Variants in PTPN13 observed in about 807,000 individuals in gnomAD.
PTPN13 encodes tyrosine-protein phosphatase non-receptor type 13.
In PTPN13, 191 loss-of-function variants were observed where a neutral mutation model predicts 284.0. That is an observed-to-expected ratio of 0.67 (90% CI 0.60 to 0.76). The LOEUF (loss-of-function observed/expected upper bound fraction) is 0.76, where lower values mean the gene tolerates loss of function less well. Among genes scored for constraint, PTPN13 ranks in the 30% least tolerant of loss-of-function variants. The pLI is 0.00. For missense variants in PTPN13, 2,797 were observed against 2,939.9 expected, an observed-to-expected ratio of 0.95 and a Z score of 1.12; for synonymous variants, 986 against 1,022.3, an observed-to-expected ratio of 0.96 and a Z score of 0.68.
intron 2 of PTPN13, among the ~76,000 whole-genome samples, chr4:86,654,437 A>T (rs527283534): frequency 1.3e-5 from 2 of 152,290 alleles, no homozygotes; most frequent in South Asian, 4.1e-4. Context: ...AGATTCTGGT[A>T]TGTTGTGTCT....
At chr4:86,637,571 A>G (rs1354594172) in intron 2 of PTPN13, among the ~76,000 whole-genome samples, 1 of 150,980 alleles carries the variant, frequency 6.6e-6, no homozygotes, top group African/African-American at 2.4e-5. Context: ...AGAACCAAAG[A>G]CAAAAACCAC....
rs755434394 is a variant in PTPN13, at chr4:86,750,617, A to G, written c.2798A>G (p.Lys933Arg). The change falls in exon 18 of 48, where the codon AAG becomes AGG. Residue 933 changes from lysine (K) to arginine (R), a missense_variant. By Grantham distance (26) the Lys-to-Arg change is conservative. Coordinates refer to ENST00000411767, the MANE Select transcript of PTPN13 (RefSeq NM_080683.3). Reference protein sequence around the residue: ...RPLSVQAEILKRLSCSELSLY... With the variant: ...RPLSVQAEILRRLSCSELSLY... ...TTATCAGTTCAAGCTGAGATTCTGA[A>G]GAGGCTATCCTGCTCAGAGCTGTCG... 6.2e-7 allele frequency: 1 copy of G among 1,613,988 alleles called. No individual in the cohort carries two copies. The highest frequency in any genetic ancestry group is 2.2e-5 in the East Asian group (1 of 44,868).
At chr4:86,674,736 T>C (rs1728091043) in intron 3 of PTPN13, among the ~76,000 whole-genome samples, 1 of 152,192 alleles carries the variant, frequency 6.6e-6, no homozygotes, top group African/African-American at 2.4e-5. Flanking sequence ...AAAGAATTTT[T>C]TGTATGTTAC....
At chr4:86,602,741 T>C (rs962406145) in intron 1 of PTPN13, among the ~76,000 whole-genome samples, 1 of 150,970 alleles carries the variant, frequency 6.6e-6, no homozygotes, top group Non-Finnish European at 1.5e-5. Context: ...CAGGCTGGAG[T>C]GTAGTGACCC....
At chr4:86,646,210 G>A (rs544386518) in intron 2 of PTPN13, among the ~76,000 whole-genome samples, 197 of 145,004 alleles carry the variant, frequency 1.4e-3, no homozygotes, top group African/African-American at 4.9e-3. Flanking sequence ...GACTTCATCA[G>A]AATTAAAAAC....
Position 86,734,894 on chromosome 4 carries a change from T to C in PTPN13, c.2151+19T>C. On this transcript the variant is annotated intron_variant, in intron 14 of 47. Transcript: ENST00000411767. Reference sequence around the variant, plus strand: ...ACCAGAGGTAGGATTTGTGTTTTTTTCCAGGACCATTTTTGTTTGGTGTTG... The same window carrying C: ...ACCAGAGGTAGGATTTGTGTTTTTTCCCAGGACCATTTTTGTTTGGTGTTG... 6.2e-7 allele frequency: 1 copy of C among 1,604,142 alleles called. No individual in the cohort carries two copies. The highest frequency in any genetic ancestry group is 1.3e-5 in the African/African-American group (1 of 74,862).
intron 2 of PTPN13, among the ~76,000 whole-genome samples, chr4:86,653,136 G>A (rs1460645411): frequency 6.6e-6 from 1 of 151,966 alleles, no homozygotes; most frequent in African/African-American, 2.4e-5. Flanking sequence ...ATAGAATTCT[G>A]AATTCCTTCT....
At chr4:86,598,644 A>G (rs977030653) in intron 1 of PTPN13, among the ~76,000 whole-genome samples, 1 of 152,244 alleles carries the variant, frequency 6.6e-6, no homozygotes, top group Non-Finnish European at 1.5e-5. Context: ...CTACTAGCCA[A>G]TAAATGTCTT....
chr4:86,734,993 C>A (rs1178710582), intron 14 of PTPN13, 118 bp downstream of exon 14: 1 of 1,168,862 alleles, frequency 8.6e-7, no homozygotes, highest in Non-Finnish European at 1.2e-6. Flanking sequence ...TTTGAGGCTT[C>A]TTTGGTTCCT....
chr4:86,736,050 A>C (rs572531483), intron 15 of PTPN13, among the ~76,000 whole-genome samples: 2 of 152,322 alleles, frequency 1.3e-5, no homozygotes, highest in East Asian at 3.9e-4. Flanking sequence ...ATTATACAGA[A>C]GAAACAAATG....
chr4:86,693,161 A>G (rs1730217752), intron 5 of PTPN13, among the ~76,000 whole-genome samples: 1 of 152,126 alleles, frequency 6.6e-6, no homozygotes, highest in Non-Finnish European at 1.5e-5. Flanking sequence ...AAAGTAATTT[A>G]AATTCCTCAA....
chr4:86,790,742 A>T (rs1742528087), intron 40 of PTPN13, among the ~76,000 whole-genome samples: 4 of 152,224 alleles, frequency 2.6e-5, no homozygotes. Context: ...AGGGGAGATT[A>T]TAAAAGTAGA....
intron 16 of PTPN13, among the ~76,000 whole-genome samples, chr4:86,743,840 A>G (rs1369519486): frequency 1.3e-5 from 2 of 152,168 alleles, no homozygotes; most frequent in Non-Finnish European, 2.9e-5. Flanking sequence ...CTATTTCCGT[A>G]TTTGAAGTAA....
intron 10 of PTPN13, among the ~76,000 whole-genome samples, chr4:86,725,123 C>A (rs1469742386): frequency 6.6e-6 from 1 of 151,922 alleles, no homozygotes; most frequent in East Asian, 1.9e-4. Flanking sequence ...CAGCTTCATC[C>A]ATGTCTGTGC....
rs1293076984 is a variant in PTPN13, at chr4:86,701,240, G to A, written c.635-1G>A. 6.5e-7 allele frequency: 1 copy of A among 1,544,008 alleles called. No individual in the cohort carries two copies. The highest frequency in any genetic ancestry group is 1.3e-5 in the South Asian group (1 of 78,528). On this transcript the variant is annotated splice_acceptor_variant, in intron 6 of 47. Transcript: ENST00000411767. LOFTEE classifies it high-confidence loss of function. Reference sequence around the variant, plus strand: ...TACATGATAGATTCTTATCATTCCAGGAAGAAGCTCTACTTCTGATGTACT... The same window carrying A: ...TACATGATAGATTCTTATCATTCCAAGAAGAAGCTCTACTTCTGATGTACT...
In PTPN13 at chr4:86,767,950, T is replaced by G; in HGVS notation, c.4463T>G (p.Val1488Gly). The G allele has an allele frequency of 6.2e-7, 1 of 1,611,766 alleles. No homozygotes were observed. The highest frequency in any genetic ancestry group is 1.1e-5 in the South Asian group (1 of 90,442). Residue 1488 changes from valine to glycine, a missense_variant, in exon 28 of 48, where the codon GTC (valine) becomes GGC (glycine). Val to Gly is a moderately radical substitution (Grantham distance 109). Coordinates refer to ENST00000411767, the MANE Select transcript of PTPN13 (RefSeq NM_080683.3). ...GPEKVKKTTQ[V>G]KDYSFVTEEN... ...GAAAAAGTGAAGAAAACAACTCAGG[T>G]CAAAGACTACAGCTTTGTCACTGAA...
rs542906440 is a variant in PTPN13 at position 86,711,304 on chromosome 4, A to G, written c.1196-5226A>G. Reference sequence around the variant, plus strand: ...GCTGGGATTACAGACGTAACCCAACATGATGGCCCAAATCTTAATTCTTTA... The same window carrying G: ...GCTGGGATTACAGACGTAACCCAACGTGATGGCCCAAATCTTAATTCTTTA... On this transcript the variant is annotated intron_variant, in intron 7 of 47. Transcript: ENST00000411767. 3.9e-5 allele frequency among the ~76,000 whole-genome samples: 6 copies of G among 152,162 alleles called. No individual in the cohort carries two copies. The South Asian group carries it at 8.3e-4, about 21-fold the overall frequency.
chr4:86,765,624 A>G (rs1271994635), intron 26 of PTPN13, 136 bp downstream of exon 26: 11 of 606,774 alleles, frequency 1.8e-5, no homozygotes, highest in South Asian at 6.5e-5. Context: ...CTGTAGCATT[A>G]AGAAACTCTT....
intron 3 of PTPN13, among the ~76,000 whole-genome samples, chr4:86,680,120 G>C (rs922022452): frequency 4.6e-5 from 7 of 152,108 alleles, no homozygotes; most frequent in African/African-American, 1.7e-4. Context: ...ACAGTACCCA[G>C]CATGTAGTAA....
Sources: gnomAD v4.1 joint callset for allele counts (sites outside exome capture counted in the v4.1 genomes callset) on GRCh38, gnomAD v4.1.1 for gene constraint, MANE v1.5 for transcripts, NCBI Gene and HGNC (gene_info 2026-07-23, HGNC 2026-07-21) for gene names.